The following ODAD2 variants were observed in gnomAD, a reference collection of about 807,000 sequenced individuals.
ODAD2 encodes the protein outer dynein arm-docking complex subunit 2.
In ODAD2, 89 loss-of-function variants were observed where a neutral mutation model predicts 106.8. The ratio of observed to expected loss-of-function variants is 0.83; its 90% CI spans 0.70 to 0.99. The LOEUF is 0.99. Among genes scored for constraint, ODAD2 ranks in the 50% least tolerant of loss-of-function variants. ODAD2 has a pLI of 0.00. For missense variants in ODAD2, 1,168 were observed against 1,238.5 expected, an observed-to-expected ratio of 0.94 and a Z score of 0.85; for synonymous variants, 404 against 436.2, an observed-to-expected ratio of 0.93 and a Z score of 0.92.
At chr10:27,843,716 G>A (rs569635965) in intron 19 of ODAD2, among the ~76,000 whole-genome samples, 36 of 151,220 alleles carry the variant, frequency 2.4e-4, no homozygotes, top group South Asian at 1.3e-3. Context: ...GCAATGAGCC[G>A]AGATCACACC....
rs556062642 is a variant in ODAD2, at chr10:27,858,652, G to A, written c.3021+1973C>T. Among the ~76,000 whole-genome samples the A allele has an allele frequency of 4.3e-5, 3 of 70,420 alleles. No homozygotes were observed. In the East Asian group the frequency reaches 7.3e-4, roughly 17 times the overall value. 46.2% of individuals were successfully genotyped at this position (70,420 alleles called of 152,430 possible). A position where few individuals can be genotyped will look rare whatever the true frequency, so the allele number is the denominator to read the frequency against. ...AGAAACTTTCCTAACTGTGTGGGTG[G>A]GCCAAACACAGTTTGGTCACTTTAC... On this transcript the variant is annotated intron_variant, in intron 19 of 19. Coordinates refer to ENST00000305242, the MANE Select transcript of ODAD2 (RefSeq NM_018076.5).
At chr10:27,879,824 T>C (rs1449862410) in intron 17 of ODAD2, among the ~76,000 whole-genome samples, 2 of 152,230 alleles carry the variant, frequency 1.3e-5, no homozygotes, top group Non-Finnish European at 2.9e-5. Flanking sequence ...TTAATCTTTA[T>C]GAATGCTCTC....
intron 17 of ODAD2, among the ~76,000 whole-genome samples, chr10:27,864,589 G>A (rs1343277469): frequency 6.7e-6 from 1 of 150,182 alleles, no homozygotes; most frequent in Admixed American, 6.6e-5. Flanking sequence ...TGGGGAGTGA[G>A]GTGAGAGTGG....
chr10:27,928,354 A>C (rs1845394734), intron 16 of ODAD2, among the ~76,000 whole-genome samples: 1 of 151,936 alleles, frequency 6.6e-6, no homozygotes, highest in Non-Finnish European at 1.5e-5. Context: ...TAACCTATCG[A>C]TTTCTCTATT....
At chr10:27,844,361 C>T (rs1838548566) in intron 19 of ODAD2, among the ~76,000 whole-genome samples, 1 of 152,198 alleles carries the variant, frequency 6.6e-6, no homozygotes, top group African/African-American at 2.4e-5. Flanking sequence ...CATCATTCCA[C>T]CATGAAGCAA....
rs1846336460 is a variant in ODAD2 at position 27,940,572 on chromosome 10, A to C, written c.1977T>G (p.Cys659Trp). 1 of 1,613,956 alleles carries C rather than the reference A, an allele frequency of 6.2e-7. No homozygotes were observed. The highest frequency in any genetic ancestry group is 1.3e-5 in the African/African-American group (1 of 74,920). Residue 659 changes from cysteine (C) to tryptophan (W), a missense_variant, in exon 13 of 20, where the codon TGT becomes TGG. Physicochemically the swap from Cys to Trp is radical, Grantham distance 215 (BLOSUM62 -2). This residue lies in a region of ODAD2 where 701 missense variants were observed against 712.3 expected (regional missense o/e 0.98). Transcript: ENST00000305242. Reference sequence around the variant, plus strand: ...GAACTGGCATGAGTACCTCTGATGCACACTCTTGCAATGTCCCCACCACTG... The same window carrying C: ...GAACTGGCATGAGTACCTCTGATGCCCACTCTTGCAATGTCCCCACCACTG... Reference protein sequence around the residue: ...LIPVVGTLQECASEENYRAAI... With the variant: ...LIPVVGTLQEWASEENYRAAI...
intron 17 of ODAD2, among the ~76,000 whole-genome samples, chr10:27,863,731 T>TA (rs957481040): frequency 4.2e-4 from 64 of 152,030 alleles, no homozygotes; most frequent in African/African-American, 1.5e-3. Flanking sequence ...CCCCAAGGCC[T>TA]AAGGGACAAA....
intron 19 of ODAD2, among the ~76,000 whole-genome samples, chr10:27,833,542 T>C (rs1457386156): frequency 1.3e-5 from 2 of 152,226 alleles, no homozygotes; most frequent in Non-Finnish European, 2.9e-5. Flanking sequence ...AGAAAAATAT[T>C]GTAAGTATGT....
chr10:27,878,108 T>A (rs1019689146), intron 17 of ODAD2, among the ~76,000 whole-genome samples: 10 of 152,122 alleles, frequency 6.6e-5, no homozygotes, highest in East Asian at 1.9e-4. Flanking sequence ...TTAGTAATTT[T>A]AAAAAAAGAT....
chr10:27,883,906 A>G (rs1334418715), intron 17 of ODAD2, among the ~76,000 whole-genome samples: 1 of 151,924 alleles, frequency 6.6e-6, no homozygotes, highest in Non-Finnish European at 1.5e-5. Flanking sequence ...ATGAAGTAAC[A>G]TAAGCATAGC....
chr10:27,845,139 AAAAAGG>A (rs869174571), intron 19 of ODAD2, among the ~76,000 whole-genome samples: 5 of 25,772 alleles, frequency 1.9e-4, no homozygotes, highest in Non-Finnish European at 4.7e-4. Flanking sequence ...GAAATGAAGG[AAAAAGG>A]AAAAAATGTT....
chr10:27,884,391 G>C (rs1841936899), intron 17 of ODAD2, among the ~76,000 whole-genome samples: 1 of 152,124 alleles, frequency 6.6e-6, no homozygotes, highest in African/African-American at 2.4e-5. Context: ...ACCCACACTT[G>C]AAACATAAAA....
intron 19 of ODAD2, among the ~76,000 whole-genome samples, chr10:27,826,153 T>A (rs1033893714): frequency 6.6e-6 from 1 of 152,122 alleles, no homozygotes; most frequent in African/African-American, 2.4e-5. Flanking sequence ...CAGAATGGGA[T>A]CAAGAACATC....
Position 27,878,705 on chromosome 10 carries a change from C to A in ODAD2, c.2611-16083G>T, listed in dbSNP as rs373118809. Among the ~76,000 whole-genome samples the A allele has an allele frequency of 5.9e-5, 9 of 152,140 alleles. No individual in the cohort carries two copies. The East Asian group carries it at 1.2e-3, about 20-fold the overall frequency. On this transcript the variant is annotated intron_variant, in intron 17 of 19. Coordinates refer to ENST00000305242, the MANE Select transcript of ODAD2 (RefSeq NM_018076.5). The stretch of plus-strand genomic sequence containing the variant: ...GTCAGAGAAGTGAAAACTGAACGGG[C>A]AAATCTTGTCGTCAAAAGTATACTT...
chr10:27,817,675 T>C (rs1245504586), intron 19 of ODAD2, among the ~76,000 whole-genome samples: 1 of 152,192 alleles, frequency 6.6e-6, no homozygotes, highest in African/African-American at 2.4e-5. Flanking sequence ...TTCATTCTTT[T>C]TTATGACTGA....
At chr10:27,885,123 G>A (rs1589917726) in intron 17 of ODAD2, among the ~76,000 whole-genome samples, 1 of 151,786 alleles carries the variant, frequency 6.6e-6, no homozygotes, top group African/African-American at 2.4e-5. Flanking sequence ...TAAAACAACT[G>A]TCTTAAGTAT....
chr10:27,971,614 A>G lies in ODAD2; in HGVS notation c.937-301T>C, dbSNP rs12218330. 0.14 allele frequency among the ~76,000 whole-genome samples: 21,334 copies of G among 152,184 alleles called. 2,048 individuals are homozygous for G. Among genetic ancestry groups the G allele is most frequent in the East Asian group, 0.51 (2,629 of 5,144 alleles). ...CAACCAAAACCCTCTATTGACTAAA[A>G]CACATCGTATTTAAATGGCTTGAAC... On this transcript the variant is annotated intron_variant, in intron 7 of 19. Transcript: ENST00000305242.
At chr10:27,925,995 G>C (rs1272180532) in intron 16 of ODAD2, among the ~76,000 whole-genome samples, 12 of 135,146 alleles carry the variant, frequency 8.9e-5, no homozygotes, top group Non-Finnish European at 1.5e-5. Flanking sequence ...GACAGAGTGA[G>C]ACTCCAGCTA....
chr10:27,948,547 T>A (rs1847098938), intron 10 of ODAD2, among the ~76,000 whole-genome samples: 1 of 152,166 alleles, frequency 6.6e-6, no homozygotes, highest in Admixed American at 6.5e-5. Context: ...AAATCTCCCC[T>A]AAGAACATAA....
Sources: gnomAD v4.1 joint callset for allele counts (sites outside exome capture counted in the v4.1 genomes callset) on GRCh38, gnomAD v4.1.1 for gene constraint, gnomAD v4.1.1 regional missense constraint, MANE v1.5 for transcripts, NCBI Gene and HGNC (gene_info 2026-07-23, HGNC 2026-07-21) for gene names.